The following LRMDA variants were observed in gnomAD, a reference collection of about 807,000 sequenced individuals.
LRMDA encodes leucine-rich melanocyte differentiation-associated protein.
A neutral mutation model predicts 29.8 loss-of-function variants in LRMDA; 18 were observed. The ratio of observed to expected loss-of-function variants is 0.60; its 90% CI spans 0.42 to 0.90. The LOEUF (loss-of-function observed/expected upper bound fraction) is 0.90, where lower values mean the gene tolerates loss of function less well. Among genes scored for constraint, LRMDA ranks in the 40% least tolerant of loss-of-function variants. The pLI, the probability that LRMDA is intolerant of heterozygous loss-of-function variation, is 0.00. For missense variants in LRMDA, 273 were observed against 273.9 expected (o/e 1.00, Z 0.02); for synonymous variants, 125 against 109.4 (o/e 1.14, Z -0.89).
chr10:75,721,051 A>G (rs1469043799), intron 2 of LRMDA, among the ~76,000 whole-genome samples: 1 of 152,238 alleles, frequency 6.6e-6, no homozygotes, highest in African/African-American at 2.4e-5. Flanking sequence ...AAATGATTTA[A>G]GACATTTGAC....
chr10:75,560,552 C>A (rs1215504115), intron 2 of LRMDA, among the ~76,000 whole-genome samples: 4 of 151,608 alleles, frequency 2.6e-5, no homozygotes, highest in African/African-American at 9.7e-5. Context: ...TTGCCCTGGT[C>A]AGAACTTCCA....
At chr10:75,693,119 A>G (rs557153072) in intron 2 of LRMDA, among the ~76,000 whole-genome samples, 1 of 152,270 alleles carries the variant, frequency 6.6e-6, no homozygotes, top group East Asian at 1.9e-4. Context: ...TCTGTAATAT[A>G]GTGCTTGGCT....
At chr10:75,680,052 A>C (rs1842005747) in intron 2 of LRMDA, among the ~76,000 whole-genome samples, 1 of 152,270 alleles carries the variant, frequency 6.6e-6, no homozygotes, top group South Asian at 2.1e-4. Context: ...TCCTCAGTGA[A>C]GTTCCTCTTA....
At chr10:75,778,333 C>G (rs1843339289) in intron 2 of LRMDA, among the ~76,000 whole-genome samples, 1 of 152,208 alleles carries the variant, frequency 6.6e-6, no homozygotes, top group African/African-American at 2.4e-5. Context: ...TGACCTCATC[C>G]TCCCAAAGTG....
intron 2 of LRMDA, among the ~76,000 whole-genome samples, chr10:75,656,612 C>G (rs971515738): frequency 6.6e-6 from 1 of 152,058 alleles, no homozygotes; most frequent in African/African-American, 2.4e-5. Flanking sequence ...TCCTGTCCTC[C>G]AGGACTGGCA....
At chr10:76,276,282 A>G (rs759277911) in intron 5 of LRMDA, among the ~76,000 whole-genome samples, 8 of 151,714 alleles carry the variant, frequency 5.3e-5, no homozygotes, top group Non-Finnish European at 1.0e-4. Context: ...TGGGTCTACA[A>G]GCATGTGCCA....
At chr10:75,958,490 A>C (rs1481091025) in intron 2 of LRMDA, among the ~76,000 whole-genome samples, 1 of 152,154 alleles carries the variant, frequency 6.6e-6, no homozygotes, top group South Asian at 2.1e-4. Flanking sequence ...ATCATTTTAC[A>C]CATCAGTGAT....
intron 6 of LRMDA, among the ~76,000 whole-genome samples, chr10:76,430,795 G>C (rs2132282781): frequency 6.6e-6 from 1 of 152,302 alleles, no homozygotes; most frequent in Admixed American, 6.5e-5. Flanking sequence ...TAGAGTTTCA[G>C]ATAGGGTCAG....
chr10:75,601,224 C>G (rs1026610251), intron 2 of LRMDA: 3 of 152,200 alleles, frequency 2.0e-5, no homozygotes. Context: ...ATGCAAATCA[C>G]TTATTTGTCC....
chr10:75,625,939 C>A (rs1841244444), intron 2 of LRMDA, among the ~76,000 whole-genome samples: 1 of 151,904 alleles, frequency 6.6e-6, no homozygotes, highest in African/African-American at 2.4e-5. Flanking sequence ...GCAGCCTTGA[C>A]CTCCTGGGCT....
At chr10:75,877,082 G>A (rs1845211173) in intron 2 of LRMDA, among the ~76,000 whole-genome samples, 1 of 152,200 alleles carries the variant, frequency 6.6e-6, no homozygotes, top group Non-Finnish European at 1.5e-5. Context: ...ACTTGGCTAG[G>A]ATAAGTAATT....
At chr10:75,546,845 A>G (rs1464081996) in intron 2 of LRMDA, among the ~76,000 whole-genome samples, 1 of 152,188 alleles carries the variant, frequency 6.6e-6, no homozygotes, top group Non-Finnish European at 1.5e-5. Context: ...ATAATGTTAA[A>G]TCTATGTAAA....
intron 5 of LRMDA, among the ~76,000 whole-genome samples, chr10:76,214,331 T>TATA (rs35296014): frequency 7.1e-5 from 6 of 84,410 alleles, no homozygotes; most frequent in Non-Finnish European, 6.0e-5. Context: ...TTGAACCAAA[T>TATA]TTTTTTTTTT....
At chr10:75,741,372 C>T (rs1030537225) in intron 2 of LRMDA, among the ~76,000 whole-genome samples, 9 of 152,058 alleles carry the variant, frequency 5.9e-5, no homozygotes, top group Admixed American at 3.9e-4. Context: ...CATGTTGACT[C>T]CTCCTTACCT....
At chr10:76,395,408 C>T (rs1327860088) in intron 6 of LRMDA, among the ~76,000 whole-genome samples, 1 of 152,130 alleles carries the variant, frequency 6.6e-6, no homozygotes, top group Non-Finnish European at 1.5e-5. Flanking sequence ...AGTCATTGCC[C>T]CTCAGCCCAT....
intron 5 of LRMDA, among the ~76,000 whole-genome samples, chr10:76,268,742 C>T (rs1207372893): frequency 6.6e-6 from 1 of 152,154 alleles, no homozygotes; most frequent in Non-Finnish European, 1.5e-5. Flanking sequence ...TCAGCTCTGT[C>T]CTTACGCCCC....
At chr10:75,724,729 G>A (rs1329688872) in intron 2 of LRMDA, among the ~76,000 whole-genome samples, 1 of 152,098 alleles carries the variant, frequency 6.6e-6, no homozygotes, top group Non-Finnish European at 1.5e-5. Flanking sequence ...TATTCTTCTA[G>A]CCACTGTAAA....
At chr10:76,408,446 T>C (rs922339325) in intron 6 of LRMDA, among the ~76,000 whole-genome samples, 1 of 152,220 alleles carries the variant, frequency 6.6e-6, no homozygotes, top group Non-Finnish European at 1.5e-5. Context: ...AATTATGTTC[T>C]CATAATTCTC....
intron 5 of LRMDA, among the ~76,000 whole-genome samples, chr10:76,163,358 A>T: frequency 6.6e-6 from 1 of 152,170 alleles, no homozygotes; most frequent in East Asian, 1.9e-4. Flanking sequence ...ACTATGCAGG[A>T]TGGGACTTTT....
Sources: gnomAD v4.1 joint callset for allele counts (sites outside exome capture counted in the v4.1 genomes callset) on GRCh38, gnomAD v4.1.1 for gene constraint, MANE v1.5 for transcripts, NCBI Gene and HGNC (gene_info 2026-07-23, HGNC 2026-07-21) for gene names.